The following EXPH5 variants were observed in gnomAD, a reference collection of about 807,000 sequenced individuals.
EXPH5 encodes the protein exophilin-5.
A neutral mutation model predicts 41.1 loss-of-function variants in EXPH5; 42 were observed. The ratio of observed to expected loss-of-function variants is 1.02; its 90% CI spans 0.80 to 1.32. The LOEUF is 1.32. Ranked by LOEUF, EXPH5 falls within the 40% of genes most tolerant of loss-of-function variation. EXPH5 has a pLI of 0.00. For missense variants in EXPH5, 2,298 were observed against 2,314.5 expected, an observed-to-expected ratio of 0.99 and a Z score of 0.15; for synonymous variants, 798 against 833.5, an observed-to-expected ratio of 0.96 and a Z score of 0.73.
Position 108,514,100 on chromosome 11 carries a change from G to A in EXPH5, c.1407C>T (p.Ser469=), listed in dbSNP as rs377484777. The A allele has an allele frequency of 2.1e-5, 34 of 1,613,678 alleles. No individual in the cohort carries two copies. The highest frequency in any genetic ancestry group is 1.7e-4 in the Middle Eastern group (1 of 6,056). Residue 469 remains serine (S), a synonymous_variant, in exon 6 of 6, where the codon AGC becomes AGT. Coordinates refer to ENST00000265843, the MANE Select transcript of EXPH5 (RefSeq NM_015065.3). ...CTTGTCCAAATCTCCTCTGTTCTCC[G>A]CTTCGTCCAAAGGTATTGCTGAAGA... The part of the protein sequence containing the change: ...RSFFSNTFGR[S]GEQRRFGQGP...
At chr11:108,597,982 G>A (rs979615098), upstream of EXPH5, among the ~76,000 whole-genome samples, 3 of 152,120 alleles carry the variant, frequency 2.0e-5, no homozygotes, top group Admixed American at 6.5e-5. Flanking sequence ...CGCTCAAAAC[G>A]TTAGCTTCTA....
chr11:108,553,004 T>C (rs968108819), intron 1 of EXPH5, among the ~76,000 whole-genome samples: 2 of 152,146 alleles, frequency 1.3e-5, no homozygotes, highest in Non-Finnish European at 2.9e-5. Flanking sequence ...GAAACCAGCC[T>C]GGCCAACATG....
chr11:108,517,736 A>G (rs914706822), intron 5 of EXPH5, among the ~76,000 whole-genome samples: 17 of 152,004 alleles, frequency 1.1e-4, no homozygotes, highest in African/African-American at 3.6e-4. Context: ...TTGTAGATGT[A>G]TTTCCTAAAG....
chr11:108,539,895 T>C (rs2093902979), intron 2 of EXPH5, among the ~76,000 whole-genome samples: 1 of 152,200 alleles, frequency 6.6e-6, no homozygotes. Flanking sequence ...TCTAAAAAGA[T>C]CTGAAATTGG....
At chr11:108,541,370 C>T (rs1044397121) in intron 2 of EXPH5, among the ~76,000 whole-genome samples, 4 of 151,984 alleles carry the variant, frequency 2.6e-5, no homozygotes, top group Non-Finnish European at 5.9e-5. Context: ...GATTTGAATC[C>T]AGGCCTCTGT....
rs758125185 is a variant in EXPH5 at position 108,539,098 on chromosome 11, C to A, written c.369G>T (p.Ser123=). 4.3e-6 allele frequency: 7 copies of A among 1,611,632 alleles called. No individual in the cohort carries two copies. Among genetic ancestry groups the A allele is most frequent in the Middle Eastern group, 1.7e-4 (1 of 6,056 alleles). ...TGAATGAGAACAGGGAAGCAAATGACGATCTGAAGCTCATCCGGGAAGAAA... is the reference window on the plus strand; with the variant it reads ...TGAATGAGAACAGGGAAGCAAATGAAGATCTGAAGCTCATCCGGGAAGAAA... The part of the protein sequence containing the change: ...TPFSSRMSFR[S]SFASLFSFRK... The change falls in exon 3 of 6, where the codon TCG becomes TCT. Residue 123 remains serine, a synonymous_variant. Coordinates refer to ENST00000265843, the MANE Select transcript of EXPH5 (RefSeq NM_015065.3).
At chr11:108,595,633 G>A (rs553324216), upstream of EXPH5, among the ~76,000 whole-genome samples, 1 of 152,098 alleles carries the variant, frequency 6.6e-6, no homozygotes, top group East Asian at 1.9e-4. Context: ...TTTTTATGTA[G>A]AAAGCACAAA....
intron 1 of EXPH5, among the ~76,000 whole-genome samples, chr11:108,565,149 G>A (rs925842978): frequency 1.3e-5 from 2 of 151,868 alleles, no homozygotes; most frequent in African/African-American, 2.4e-5. Flanking sequence ...CAGGTGATCC[G>A]CCCACCTCCA....
rs546884466 is a variant in EXPH5, at chr11:108,512,156, G to A, written c.3351C>T (p.Phe1117=). 6.2e-7 allele frequency: 1 copy of A among 1,612,916 alleles called. No homozygotes were observed. Among genetic ancestry groups the A allele is most frequent in the African/African-American group, 1.3e-5 (1 of 74,942 alleles). The change falls in exon 6 of 6, where the codon TTC becomes TTT. Residue 1117 remains phenylalanine (F), a synonymous_variant. Transcript: ENST00000265843. ...GACATGACATAGCCCTGTTGATGAG[G>A]AATGGAAGTGGTCCTTTTCTAACGG... ...STSVRKGPLP[F]LINRAMSCPS... is the part of the protein sequence containing the mutation.
intron 1 of EXPH5, among the ~76,000 whole-genome samples, chr11:108,586,429 C>G (rs1303201637): frequency 6.9e-6 from 1 of 144,944 alleles, no homozygotes; most frequent in Non-Finnish European, 1.5e-5. Context: ...CCTCCCTGAT[C>G]CCCTTTCCTC....
chr11:108,528,755 T>C lies in EXPH5; in HGVS notation c.444-571A>G, dbSNP rs920988699. ...TTGCTCTTTGTCGCCCAGGCTGGAG[T>C]GCAGTGGCATAATCTCGGCTCACTG... On this transcript the variant is annotated intron_variant, in intron 3 of 5. Coordinates refer to ENST00000265843, the MANE Select transcript of EXPH5 (RefSeq NM_015065.3). Among the ~76,000 whole-genome samples, 4 of 142,048 alleles carry C rather than the reference T, an allele frequency of 2.8e-5. No individual in the cohort carries two copies. In the East Asian group the frequency reaches 8.3e-4, roughly 30 times the overall value. The allele number at this position is 142,048 out of a possible 152,430, so 93.2% of individuals were successfully genotyped here.
intron 1 of EXPH5, among the ~76,000 whole-genome samples, chr11:108,547,500 C>A (rs1378642641): frequency 1.3e-5 from 2 of 152,176 alleles, no homozygotes; most frequent in Non-Finnish European, 2.9e-5. Flanking sequence ...CAGGCATGAA[C>A]CACGGAGCAC....
At chr11:108,577,369 A>G (rs1399688941) in intron 1 of EXPH5, among the ~76,000 whole-genome samples, 1 of 151,382 alleles carries the variant, frequency 6.6e-6, no homozygotes, top group East Asian at 1.9e-4. Context: ...ACCATCTGTT[A>G]TTTTCTGTCT....
intron 1 of EXPH5, among the ~76,000 whole-genome samples, chr11:108,584,195 G>T (rs550505147): frequency 2.0e-5 from 3 of 152,244 alleles, no homozygotes; most frequent in East Asian, 3.9e-4. Context: ...ATTCATTCTG[G>T]CTGGGCACAG....
chr11:108,565,718 A>G (rs2094031720), intron 1 of EXPH5, among the ~76,000 whole-genome samples: 1 of 152,154 alleles, frequency 6.6e-6, no homozygotes, highest in African/African-American at 2.4e-5. Flanking sequence ...ATCAAATGAC[A>G]TCTATGTGTC....
At chr11:108,520,019 A>C (rs2093755108) in intron 4 of EXPH5, among the ~76,000 whole-genome samples, 1 of 150,004 alleles carries the variant, frequency 6.7e-6, no homozygotes, top group African/African-American at 2.4e-5. Context: ...TGTTTCTATT[A>C]GAGGTCATCT....
chr11:108,550,919 C>T (rs1489113650), intron 1 of EXPH5, among the ~76,000 whole-genome samples: 2 of 152,116 alleles, frequency 1.3e-5, no homozygotes, highest in Non-Finnish European at 2.9e-5. Context: ...AGAAAAGCCT[C>T]AACATTCCTA....
Position 108,509,457 on chromosome 11 carries a change from T to G in EXPH5, c.*80A>C, listed in dbSNP as rs2093661795. 8.9e-6 allele frequency: 12 copies of G among 1,349,528 alleles called. No homozygotes were observed. The highest frequency in any genetic ancestry group is 1.1e-5 in the Non-Finnish European group (11 of 997,622). The allele number at this position is 1,349,528 out of a possible 1,614,324, so 83.6% of individuals were successfully genotyped here. On this transcript the variant is annotated 3_prime_UTR_variant, in exon 6 of 6. Transcript: ENST00000265843. ...ACTGCCCAGACTAGATCTTTTATCC[T>G]TCCATGCACATGCACATGTACACCT...
At chr11:108,534,999 T>G (rs2093870063) in intron 3 of EXPH5, among the ~76,000 whole-genome samples, 1 of 152,174 alleles carries the variant, frequency 6.6e-6, no homozygotes, top group Non-Finnish European at 1.5e-5. Flanking sequence ...ACTGTTTTGT[T>G]TCCAGCACTT....
Sources: gnomAD v4.1 joint callset for allele counts (sites outside exome capture counted in the v4.1 genomes callset) on GRCh38, gnomAD v4.1.1 for gene constraint, MANE v1.5 for transcripts, NCBI Gene and HGNC (gene_info 2026-07-23, HGNC 2026-07-21) for gene names.